PRMT8: variants seen among roughly 807,000 people sequenced by gnomAD.
PRMT8 encodes protein arginine methyltransferase 8.
In PRMT8, 7 loss-of-function variants were observed where a neutral mutation model predicts 47.1. The observed-to-expected ratio is 0.15, with a 90% CI of 0.08 to 0.28. The LOEUF (loss-of-function observed/expected upper bound fraction) is 0.28. Among genes scored for constraint, PRMT8 ranks in the 10% least tolerant of loss-of-function variants. The pLI is 1.00. For synonymous variants in PRMT8, 188 were observed against 186.5 expected (o/e 1.01, Z -0.07); for missense variants, 237 against 505.4 (o/e 0.47, Z 5.09).
At chr12:3,408,458 A>T (rs1043243242) in intron 1 of PRMT8, among the ~76,000 whole-genome samples, 1 of 152,104 alleles carries the variant, frequency 6.6e-6, no homozygotes, top group Non-Finnish European at 1.5e-5. Flanking sequence ...GCTGGTCTTA[A>T]ACTCATGGAC....
chr12:3,540,837 C>T (rs766663303), intron 2 of PRMT8, 46 bp downstream of exon 2: 12 of 1,569,700 alleles, frequency 7.6e-6, no homozygotes, highest in Non-Finnish European at 9.6e-6. Flanking sequence ...GCTGACTCTG[C>T]TGTTCTGTTG....
chr12:3,523,651 A>G (rs536013360), intron 1 of PRMT8, among the ~76,000 whole-genome samples: 3 of 152,328 alleles, frequency 2.0e-5, no homozygotes, highest in Admixed American at 1.3e-4. Context: ...ACTGTTACGC[A>G]TGGTCTGCTG....
intron 1 of PRMT8, among the ~76,000 whole-genome samples, chr12:3,455,226 C>T (rs1313732732): frequency 1.3e-5 from 2 of 152,304 alleles, no homozygotes; most frequent in East Asian, 1.9e-4. Context: ...AACTGGTCTG[C>T]TCCTGTGCAG....
In PRMT8 at chr12:3,572,019, T is replaced by C. The variant is rs1009023478; in HGVS notation, c.712+2455T>C. ...GAAAGTAAGTTGTTAGAGGGAGAGCTTTCTTTCCTTTCCTCTCCTTTCCTT... is the reference window on the plus strand; with the variant it reads ...GAAAGTAAGTTGTTAGAGGGAGAGCCTTCTTTCCTTTCCTCTCCTTTCCTT... On this transcript the variant is annotated intron_variant, in intron 6 of 9. Transcript: ENST00000382622. This position sits in a 1 kb window ranked among gnomAD's most constrained non-coding sequence, Gnocchi z 5.9. 6.6e-6 allele frequency among the ~76,000 whole-genome samples: 1 copy of C among 152,120 alleles called. No homozygotes were observed. The highest frequency in any genetic ancestry group is 1.9e-4 in the East Asian group (1 of 5,190).
At chr12:3,396,572 C>T (rs542000832) in intron 1 of PRMT8, among the ~76,000 whole-genome samples, 40 of 152,140 alleles carry the variant, frequency 2.6e-4, no homozygotes, top group African/African-American at 6.8e-4. Context: ...GAGTTTCTGC[C>T]GAAAGATCCA....
chr12:3,443,025 C>T (rs1054374022), intron 1 of PRMT8, among the ~76,000 whole-genome samples: 1 of 152,148 alleles, frequency 6.6e-6, no homozygotes, highest in African/African-American at 2.4e-5. Flanking sequence ...ATGATAGATT[C>T]TGAATCTAAA....
intron 1 of PRMT8, among the ~76,000 whole-genome samples, chr12:3,491,977 T>A (rs1486057796): frequency 6.6e-6 from 1 of 150,820 alleles, no homozygotes; most frequent in Non-Finnish European, 1.5e-5. Context: ...CACCCTCTCC[T>A]GCCACCCGCT....
intron 7 of PRMT8, among the ~76,000 whole-genome samples, chr12:3,578,439 G>A (rs1202537865): frequency 6.6e-6 from 1 of 151,968 alleles, no homozygotes; most frequent in East Asian, 1.9e-4. Context: ...GCCCAGGCTG[G>A]TCTCAAACTC....
Position 3,453,819 on chromosome 12 carries a change from A to C in PRMT8, c.48+72377A>C, listed in dbSNP as rs557561073. On this transcript the variant is annotated intron_variant, in intron 1 of 9. Transcript: ENST00000452611. The surrounding 1 kb of genome is among the most constrained non-coding windows in gnomAD (Gnocchi z 4.9). ...CTGTGTCTATTTCTCAGCTCCTGCT[A>C]TGCTAGGTCTGGGCTTCCGACGCCG... Among the ~76,000 whole-genome samples the C allele has an allele frequency of 6.6e-6, 1 of 152,166 alleles. No individual in the cohort carries two copies. The highest frequency in any genetic ancestry group is 2.1e-4 in the South Asian group (1 of 4,818).
chr12:3,462,988 G>A (rs1186079257), intron 1 of PRMT8: 2 of 150,210 alleles, frequency 1.3e-5, no homozygotes, highest in Non-Finnish European at 2.9e-5. Flanking sequence ...CGGTAGAAGT[G>A]CCTGGAAAAT....
Position 3,552,590 on chromosome 12 carries a change from G to A in PRMT8, c.418-1061G>A. The A allele has an allele frequency of 5.3e-6, 2 of 380,232 alleles. No individual in the cohort carries two copies. The highest frequency in any genetic ancestry group is 3.9e-5 in the South Asian group (2 of 51,880). 23.6% of individuals were successfully genotyped at this position (380,232 alleles called of 1,614,324 possible). ...CACCCCACAGACAGTGCAGCCTGAAGGCCAGGGACCTGGCAGCCCAGGAAA... is the reference window on the plus strand; with the variant it reads ...CACCCCACAGACAGTGCAGCCTGAAAGCCAGGGACCTGGCAGCCCAGGAAA... On this transcript the variant is annotated intron_variant, in intron 3 of 9. Transcript: ENST00000382622. This position sits in a 1 kb window ranked among gnomAD's most constrained non-coding sequence, Gnocchi z 4.5.
rs2137082322 is a variant in PRMT8 at position 3,453,847 on chromosome 12, C to T, written c.48+72405C>T. 6.6e-6 allele frequency among the ~76,000 whole-genome samples: 1 copy of T among 152,310 alleles called. No homozygotes were observed. Among genetic ancestry groups the T allele is most frequent in the South Asian group, 2.1e-4 (1 of 4,830 alleles). On this transcript the variant is annotated intron_variant, in intron 1 of 9. Coordinates refer to the PRMT8 transcript ENST00000452611. This position sits in a 1 kb window ranked among gnomAD's most constrained non-coding sequence, Gnocchi z 4.9. ...CTAGGTCTGGGCTTCCGACGCCGGC[C>T]CTGCTCCGGCGATTGAAAATGACTG...
rs149945970 is a variant in PRMT8, at chr12:3,453,224, G to A, written c.48+71782G>A. Among the ~76,000 whole-genome samples the A allele has an allele frequency of 6.6e-6, 1 of 152,112 alleles. No homozygotes were observed. The highest frequency in any genetic ancestry group is 2.4e-5 in the African/African-American group (1 of 41,392). On this transcript the variant is annotated intron_variant, in intron 1 of 9. Coordinates refer to the PRMT8 transcript ENST00000452611. This position sits in a 1 kb window ranked among gnomAD's most constrained non-coding sequence, Gnocchi z 4.9. ...TGCTGAAAGGGTGCAGGGAAGCCACGGTTCCTTCCCTCCCCACGCCCCTCG... is the reference window on the plus strand; with the variant it reads ...TGCTGAAAGGGTGCAGGGAAGCCACAGTTCCTTCCCTCCCCACGCCCCTCG...
chr12:3,583,235 C>A lies in PRMT8; in HGVS notation c.979+27C>A. On this transcript the variant is annotated intron_variant, in intron 8 of 9. Transcript: ENST00000382622. The surrounding 1 kb of genome is among the most constrained non-coding windows in gnomAD (Gnocchi z 4.7). The stretch of plus-strand genomic sequence containing the variant: ...TGAGCTGTTTGTTGCTTCCCAGAGC[C>A]TCCTCCCTCTCCCATGCTTCCTCAA... 1 of 1,589,642 alleles carries A rather than the reference C, an allele frequency of 6.3e-7. No individual in the cohort carries two copies. Among genetic ancestry groups the A allele is most frequent in the Non-Finnish European group, 8.6e-7 (1 of 1,166,804 alleles).
intron 1 of PRMT8, among the ~76,000 whole-genome samples, chr12:3,496,214 A>ATATATATATATATT: frequency 1.8e-4 from 5 of 27,762 alleles, no homozygotes; most frequent in African/African-American, 3.5e-4. Flanking sequence ...ATATATATAT[A>ATATATATATATATT]TTTTTTTTTT....
At chr12:3,420,012 G>A (rs1864523816) in intron 1 of PRMT8, among the ~76,000 whole-genome samples, 1 of 92,298 alleles carries the variant, frequency 1.1e-5, no homozygotes, top group Non-Finnish European at 2.3e-5. Context: ...GGGAGAGAGG[G>A]GAAAGAGAGA....
intron 1 of PRMT8, among the ~76,000 whole-genome samples, chr12:3,458,580 A>G (rs563019868): frequency 2.1e-4 from 32 of 152,342 alleles, no homozygotes; most frequent in African/African-American, 7.0e-4. Context: ...AAGAGTTTAC[A>G]TCTTGCTTTT....
chr12:3,493,310 C>G lies in PRMT8; in HGVS notation c.75+1610C>G, dbSNP rs1225830083. Among the ~76,000 whole-genome samples the G allele has an allele frequency of 6.6e-6, 1 of 152,114 alleles. No individual in the cohort carries two copies. Among genetic ancestry groups the G allele is most frequent in the Non-Finnish European group, 1.5e-5 (1 of 68,030 alleles). ...GCAGAAAGCCATCCTTACCATTCCC[C>G]TCACCCTCCGCCCTCTGATCGCCCA... On this transcript the variant is annotated intron_variant, in intron 1 of 9. Transcript: ENST00000382622. The surrounding 1 kb of genome is among the most constrained non-coding windows in gnomAD (Gnocchi z 8.2).
chr12:3,418,162 G>T (rs1565402549), intron 1 of PRMT8, among the ~76,000 whole-genome samples: 1 of 152,176 alleles, frequency 6.6e-6, no homozygotes, highest in African/African-American at 2.4e-5. Flanking sequence ...TCCCATCTAG[G>T]CCCCAGCCAA....
Sources: allele counts gnomAD v4.1 joint callset (sites outside exome capture counted in the v4.1 genomes callset), GRCh38; gene constraint gnomAD v4.1.1; non-coding constraint Gnocchi (gnomAD v3.1); transcripts MANE v1.5; gene names NCBI Gene and HGNC (gene_info 2026-07-23, HGNC 2026-07-21).